The following TSPAN13 variants were observed in gnomAD, a reference collection of about 807,000 sequenced individuals.
TSPAN13 encodes tetraspanin-13.
Under a neutral mutation model 26.9 loss-of-function variants are expected in TSPAN13, and 18 were observed. The observed-to-expected ratio is 0.67, with a 90% CI of 0.46 to 0.99. The LOEUF is 0.99. Ranked by LOEUF, TSPAN13 falls within the 50% of genes least tolerant of loss-of-function variation. TSPAN13 has a pLI of 0.00. For synonymous variants in TSPAN13, 116 were observed against 98.4 expected (o/e 1.18, Z -1.06); for missense variants, 201 against 249.6 (o/e 0.81, Z 1.31).
chr7:16,764,987 C>T (rs745754865), intron 1 of TSPAN13, among the ~76,000 whole-genome samples: 10 of 151,666 alleles, frequency 6.6e-5, no homozygotes, highest in African/African-American at 9.7e-5. Context: ...TCTCCAAACT[C>T]CTGGGCTCAA....
chr7:16,768,630 G>A (rs1784637135), intron 1 of TSPAN13, among the ~76,000 whole-genome samples: 1 of 152,132 alleles, frequency 6.6e-6, no homozygotes, highest in Non-Finnish European at 1.5e-5. Flanking sequence ...TACCCACAAA[G>A]TCATTAAAAT....
At chr7:16,779,324 T>G (rs555262802) in intron 5 of TSPAN13, among the ~76,000 whole-genome samples, 24 of 152,322 alleles carry the variant, frequency 1.6e-4, no homozygotes, top group Non-Finnish European at 3.1e-4. Flanking sequence ...CTGTCTCTTC[T>G]TATGTAAAAT....
At chr7:16,760,300 G>A (rs199551824) in intron 1 of TSPAN13, among the ~76,000 whole-genome samples, 1 of 152,048 alleles carries the variant, frequency 6.6e-6, no homozygotes. Flanking sequence ...ATGAGATGAT[G>A]GAGGCTTGGA....
intron 1 of TSPAN13, among the ~76,000 whole-genome samples, chr7:16,765,323 G>C (rs901314035): frequency 6.6e-6 from 1 of 151,820 alleles, no homozygotes; most frequent in African/African-American, 2.4e-5. Flanking sequence ...GGCTGGTTTC[G>C]AGCTACCTGG....
rs768645966 is a variant in TSPAN13 at position 16,783,442 on chromosome 7, G to T, written c.566G>T (p.Arg189Ile). Residue 189 changes from arginine to isoleucine, a missense_variant, in exon 6 of 6, where the codon AGA (arginine) becomes ATA (isoleucine). Physicochemically the swap from Arg to Ile is moderately conservative, Grantham distance 97 (BLOSUM62 -3). Coordinates refer to ENST00000262067, the MANE Select transcript of TSPAN13 (RefSeq NM_014399.4). Reference sequence around the variant, plus strand: ...ATCCTGGGTGTTTGGCTGACCTACAGATACAGGAACCAGAAAGACCCCCGC... The same window carrying T: ...ATCCTGGGTGTTTGGCTGACCTACATATACAGGAACCAGAAAGACCCCCGC... The part of the protein sequence containing the change: ...TEILGVWLTY[R>I]YRNQKDPRAN... The T allele has an allele frequency of 6.2e-7, 1 of 1,613,600 alleles. No homozygotes were observed. The highest frequency in any genetic ancestry group is 8.5e-7 in the Non-Finnish European group (1 of 1,179,806).
At chr7:16,778,550 C>T (rs1422342804) in intron 4 of TSPAN13, among the ~76,000 whole-genome samples, 1 of 152,184 alleles carries the variant, frequency 6.6e-6, no homozygotes, top group Non-Finnish European at 1.5e-5. Flanking sequence ...TGGAAGAATT[C>T]AGTCTTTGTG....
At chr7:16,769,875 A>G (rs568362825) in intron 1 of TSPAN13, among the ~76,000 whole-genome samples, 18 of 152,290 alleles carry the variant, frequency 1.2e-4, no homozygotes, top group African/African-American at 4.1e-4. Context: ...TTATCTTACC[A>G]TTAGCTAGAA....
At chr7:16,781,452 T>A (rs1355955549) in intron 5 of TSPAN13, among the ~76,000 whole-genome samples, 2 of 152,214 alleles carry the variant, frequency 1.3e-5, no homozygotes, top group Non-Finnish European at 2.9e-5. Flanking sequence ...AAAAGTGCCC[T>A]CTTAATCATG....
intron 5 of TSPAN13, among the ~76,000 whole-genome samples, chr7:16,782,921 C>T (rs1784829111): frequency 6.6e-6 from 1 of 152,166 alleles, no homozygotes; most frequent in Admixed American, 6.5e-5. Context: ...CTTCTGGAGG[C>T]CAGGCTCACC....
chr7:16,783,746 C>T lies in TSPAN13; in HGVS notation c.*255C>T, dbSNP rs1033959126. ...ACTGTATTCATTGTCGGGCACTGTC[C>T]ACTGTGGCCTTTCTTAGCATTTTTA... is the stretch of plus-strand genomic sequence containing the variant. On this transcript the variant is annotated 3_prime_UTR_variant, in exon 6 of 6. Transcript: ENST00000262067. 2.0e-6 allele frequency: 1 copy of T among 490,618 alleles called. No homozygotes were observed. Among genetic ancestry groups the T allele is most frequent in the Non-Finnish European group, 3.7e-6 (1 of 273,180 alleles). 30.4% of individuals were successfully genotyped at this position (490,618 alleles called of 1,614,324 possible). A position where few individuals can be genotyped will look rare whatever the true frequency, so the allele number is the denominator to read the frequency against.
intron 1 of TSPAN13, among the ~76,000 whole-genome samples, chr7:16,769,715 G>A (rs1324883099): frequency 6.6e-6 from 1 of 151,442 alleles, no homozygotes; most frequent in Non-Finnish European, 1.5e-5. Context: ...AATAATTTTT[G>A]AATAATGAAA....
At chr7:16,754,182 T>C in intron 1 of TSPAN13, 152 bp downstream of exon 1, 1 of 787,672 alleles carries the variant, frequency 1.3e-6, no homozygotes, top group Non-Finnish European at 2.0e-6. Flanking sequence ...TCACCATCCG[T>C]CCCCGCCGGG....
chr7:16,772,691 C>CACATAAGATAA (rs1426026307), intron 1 of TSPAN13, among the ~76,000 whole-genome samples: 1 of 152,070 alleles, frequency 6.6e-6, no homozygotes, highest in Non-Finnish European at 1.5e-5. Context: ...CATCTTTTAC[C>CACATAAGATAA]ACATAAGATA....
chr7:16,754,060 T>G (rs775794821), intron 1 of TSPAN13, 30 bp downstream of exon 1: 1 of 1,608,660 alleles, frequency 6.2e-7, no homozygotes, highest in South Asian at 1.1e-5. Context: ...TCCTGCTCGC[T>G]TGGGGGCTTT....
chr7:16,760,522 G>T (rs1331588199), intron 1 of TSPAN13, among the ~76,000 whole-genome samples: 1 of 152,146 alleles, frequency 6.6e-6, no homozygotes, highest in Non-Finnish European at 1.5e-5. Context: ...AGTATTGGAC[G>T]TGATGCTAAA....
intron 1 of TSPAN13, among the ~76,000 whole-genome samples, chr7:16,759,443 C>G (rs1011206716): frequency 1.3e-5 from 2 of 152,120 alleles, no homozygotes; most frequent in African/African-American, 4.8e-5. Flanking sequence ...GGAGAACTCA[C>G]TTATCACTGA....
rs3840574 is a variant in TSPAN13, at chr7:16,783,396, ATT to A, written c.541-13_541-12del. ...ATGTTACTTTCTTTTTCTTTACTTT[ATT>A]TTTTTTTCCCCATTCCAGATCCTGG... On this transcript the variant is annotated intron_variant, in intron 5 of 5. Coordinates refer to ENST00000262067, the MANE Select transcript of TSPAN13 (RefSeq NM_014399.4). 2 of 1,586,516 alleles carry A rather than the reference ATT, an allele frequency of 1.3e-6. No homozygotes were observed. The highest frequency in any genetic ancestry group is 1.1e-5 in the South Asian group (1 of 89,384).
chr7:16,776,158 ATT>A, intron 1 of TSPAN13, 51 bp from the exon 2 acceptor site: 1 of 1,566,824 alleles, frequency 6.4e-7, no homozygotes, highest in African/African-American at 1.4e-5. Context: ...CATTTTCCCC[ATT>A]CTCTCTCCTC....
At chr7:16,782,960 G>A (rs974221395) in intron 5 of TSPAN13, among the ~76,000 whole-genome samples, 2 of 152,138 alleles carry the variant, frequency 1.3e-5, no homozygotes, top group Non-Finnish European at 1.5e-5. Context: ...TCAAAGCTAG[G>A]AGAGTTGCAG....
Sources: gnomAD v4.1 joint callset for allele counts (sites outside exome capture counted in the v4.1 genomes callset) on GRCh38, gnomAD v4.1.1 for gene constraint, MANE v1.5 for transcripts, NCBI Gene and HGNC (gene_info 2026-07-23, HGNC 2026-07-21) for gene names.